Variants in L3MBTL4 observed in about 807,000 individuals in gnomAD.
L3MBTL4 encodes lethal(3)malignant brain tumor-like protein 4.
L3MBTL4 carries 70 observed loss-of-function variants against 84.5 expected under a neutral mutation model. The observed-to-expected ratio is 0.83, with a 90% CI of 0.68 to 1.01. The LOEUF (loss-of-function observed/expected upper bound fraction) is 1.01. L3MBTL4 is among the 50% of genes least tolerant of loss of function. The pLI is 0.00. For synonymous variants in L3MBTL4, 274 were observed against 259.8 expected (o/e 1.05, Z -0.52); for missense variants, 715 against 754.8 (o/e 0.95, Z 0.62).
chr18:6,190,171 A>AGT (rs2045003219), intron 12 of L3MBTL4, among the ~76,000 whole-genome samples: 1 of 152,252 alleles, frequency 6.6e-6, no homozygotes, highest in Non-Finnish European at 1.5e-5. Context: ...GAAAGAGTAC[A>AGT]TACTGTATGA....
intron 1 of L3MBTL4, among the ~76,000 whole-genome samples, chr18:6,329,656 T>G (rs752049287): frequency 3.9e-5 from 6 of 152,174 alleles, no homozygotes. Context: ...CTGTCTACAG[T>G]GTCCCAAGGT....
At chr18:6,289,157 AG>A (rs1196736236) in intron 4 of L3MBTL4, among the ~76,000 whole-genome samples, 1 of 152,120 alleles carries the variant, frequency 6.6e-6, no homozygotes, top group Non-Finnish European at 1.5e-5. Context: ...AAAATGATAA[AG>A]GTCTAAACAA....
chr18:6,265,561 T>C (rs1009968171), intron 4 of L3MBTL4, among the ~76,000 whole-genome samples: 9 of 152,268 alleles, frequency 5.9e-5, no homozygotes, highest in African/African-American at 2.2e-4. Context: ...TATATTTTTA[T>C]GCTTTATGTA....
chr18:6,029,434 G>T, intron 16 of L3MBTL4: 1 of 958,556 alleles, frequency 1.0e-6, no homozygotes, highest in Middle Eastern at 5.4e-4. Context: ...ATAATTACAT[G>T]AAAAAAATTA....
chr18:6,145,490 A>G (rs976048662), intron 13 of L3MBTL4, among the ~76,000 whole-genome samples: 1 of 152,044 alleles, frequency 6.6e-6, no homozygotes. Flanking sequence ...CATCAAAAAA[A>G]AAGAAGAAGA....
At chr18:6,392,701 A>G (rs2055107556) in intron 1 of L3MBTL4, among the ~76,000 whole-genome samples, 1 of 152,260 alleles carries the variant, frequency 6.6e-6, no homozygotes, top group Non-Finnish European at 1.5e-5. Context: ...ATAACCTTGG[A>G]AAAACTCTTC....
intron 16 of L3MBTL4, among the ~76,000 whole-genome samples, chr18:6,033,562 G>C (rs902346480): frequency 6.6e-6 from 1 of 152,050 alleles, no homozygotes; most frequent in Non-Finnish European, 1.5e-5. Context: ...ATGTAATTAC[G>C]ATTACATTAC....
Position 6,244,506 on chromosome 18 carries a change from A to T in L3MBTL4, c.302T>A (p.Phe101Tyr). 6.2e-7 allele frequency: 1 copy of T among 1,613,008 alleles called. No homozygotes were observed. The highest frequency in any genetic ancestry group is 8.5e-7 in the Non-Finnish European group (1 of 1,179,022). The stretch of plus-strand genomic sequence containing the variant: ...TACCTCCGCTACAGAAAGCACACAG[A>T]ATACCGATGGATGTCGGGGATCAAT... ...EGIDPRHPSV[F>Y]CVLSVAEVCG... Residue 101 changes from phenylalanine to tyrosine, a missense_variant, in exon 6 of 19, where the codon TTC becomes TAC. Physicochemically the swap from Phe to Tyr is conservative, Grantham distance 22. Coordinates refer to ENST00000317931, the MANE Select transcript of L3MBTL4 (RefSeq NM_001330559.2).
intron 1 of L3MBTL4, among the ~76,000 whole-genome samples, chr18:6,386,888 G>A (rs2144451693): frequency 6.6e-6 from 1 of 152,272 alleles, no homozygotes; most frequent in Admixed American, 6.5e-5. Flanking sequence ...GTTAGGAAGA[G>A]AAGAAAGCAC....
At chr18:6,053,953 G>C (rs1251616743) in intron 16 of L3MBTL4, among the ~76,000 whole-genome samples, 1 of 152,148 alleles carries the variant, frequency 6.6e-6, no homozygotes, top group African/African-American at 2.4e-5. Context: ...CTATACTTCA[G>C]AATGTATAAA....
chr18:5,980,329 T>A (rs897731358), intron 16 of L3MBTL4, among the ~76,000 whole-genome samples: 2 of 151,968 alleles, frequency 1.3e-5, no homozygotes, highest in Non-Finnish European at 2.9e-5. Flanking sequence ...GAGGCCAGGA[T>A]TCCCCCCAGG....
At chr18:6,244,751 T>C (rs1249181517) in intron 5 of L3MBTL4, among the ~76,000 whole-genome samples, 163 bp from the exon 6 acceptor site, 1 of 152,092 alleles carries the variant, frequency 6.6e-6, no homozygotes, top group African/African-American at 2.4e-5. Context: ...AATGGGGAGA[T>C]GCTGGTCAAA....
chr18:6,329,203 G>C (rs1044273589), intron 1 of L3MBTL4, among the ~76,000 whole-genome samples: 7 of 147,920 alleles, frequency 4.7e-5, no homozygotes, highest in Admixed American at 2.7e-4. Flanking sequence ...GCCCAGGCTG[G>C]AGTGCAGTGG....
chr18:6,217,946 T>C (rs765613999), intron 10 of L3MBTL4, among the ~76,000 whole-genome samples: 4 of 152,224 alleles, frequency 2.6e-5, no homozygotes, highest in Non-Finnish European at 5.9e-5. Flanking sequence ...TTTAAATTAA[T>C]TTACATTTGT....
chr18:6,300,647 C>G (rs771437641), intron 4 of L3MBTL4, among the ~76,000 whole-genome samples: 1 of 151,434 alleles, frequency 6.6e-6, no homozygotes, highest in Non-Finnish European at 1.5e-5. Flanking sequence ...CATTGTTGGC[C>G]TCAGTCTGCT....
In L3MBTL4 at chr18:6,196,300, G is replaced by A. The variant is rs1168979164; in HGVS notation, c.981+16849C>T. Among the ~76,000 whole-genome samples, 3 of 151,954 alleles carry A rather than the reference G, an allele frequency of 2.0e-5. 1 individual carries two copies. The highest frequency in any genetic ancestry group is 4.2e-4 in the South Asian group (2 of 4,812). On this transcript the variant is annotated intron_variant, in intron 12 of 18. Coordinates refer to ENST00000317931, the MANE Select transcript of L3MBTL4 (RefSeq NM_001330559.2). Reference sequence around the variant, plus strand: ...AGCCTCCCAAGTAGCTGGGACTACAGGCGCCCGCCACCACGCCCGTCTAAT... The same window carrying A: ...AGCCTCCCAAGTAGCTGGGACTACAAGCGCCCGCCACCACGCCCGTCTAAT...
intron 14 of L3MBTL4, among the ~76,000 whole-genome samples, chr18:6,136,552 T>C (rs768102463): frequency 6.6e-6 from 1 of 152,338 alleles, no homozygotes; most frequent in South Asian, 2.1e-4. Flanking sequence ...GATGTTTGCA[T>C]AGGAGTGTAA....
intron 16 of L3MBTL4, among the ~76,000 whole-genome samples, chr18:6,033,480 T>G (rs965080703): frequency 1.6e-4 from 25 of 152,342 alleles, no homozygotes; most frequent in African/African-American, 5.8e-4. Flanking sequence ...CTAAAATAAT[T>G]AGTGATAGAG....
rs932086177 is a variant in L3MBTL4, at chr18:5,989,706, C to A, written c.1445-20144G>T. Reference sequence around the variant, plus strand: ...GGGGCAGGGAGGGAAAGCTGAGATTCCGCAGTTATTATGTGCTCTCAGGTG... The same window carrying A: ...GGGGCAGGGAGGGAAAGCTGAGATTACGCAGTTATTATGTGCTCTCAGGTG... On this transcript the variant is annotated intron_variant, in intron 16 of 18. Transcript: ENST00000317931. 1.3e-5 allele frequency among the ~76,000 whole-genome samples: 2 copies of A among 152,192 alleles called. 1 individual carries two copies. The highest frequency in any genetic ancestry group is 3.9e-4 in the East Asian group (2 of 5,190).
Sources: allele counts gnomAD v4.1 joint callset (sites outside exome capture counted in the v4.1 genomes callset), GRCh38; gene constraint gnomAD v4.1.1; transcripts MANE v1.5; gene names NCBI Gene and HGNC (gene_info 2026-07-23, HGNC 2026-07-21).